Variants in PARD3 observed in about 807,000 individuals in gnomAD.
PARD3 encodes the protein par-3 family cell polarity regulator.
Under a neutral mutation model 155.4 loss-of-function variants are expected in PARD3, and 75 were observed. That is an observed-to-expected ratio of 0.48 (90% confidence interval 0.40 to 0.58). The LOEUF is 0.58. Among genes scored for constraint, PARD3 ranks in the 20% least tolerant of loss-of-function variants. The pLI, the probability that PARD3 is intolerant of heterozygous loss-of-function variation, is 0.00. For synonymous variants in PARD3, 576 were observed against 610.5 expected (o/e 0.94, Z 0.83); for missense variants, 1,642 against 1,721.7 (o/e 0.95, Z 0.82).
In PARD3 at chr10:34,797,767, C is replaced by T. The variant is rs549286282; in HGVS notation, c.120+17109G>A. Among the ~76,000 whole-genome samples the T allele has an allele frequency of 2.6e-5, 4 of 152,254 alleles. No individual in the cohort carries two copies. The South Asian group carries it at 8.3e-4, about 32-fold the overall frequency. On this transcript the variant is annotated intron_variant, in intron 1 of 24. Coordinates refer to ENST00000374788, the MANE Select transcript of PARD3 (RefSeq NM_001184785.2). ...CCTTCCCCCATCTCATTACAACTCC[C>T]CCGTGCTGTCTCTCACTGCCCTTCC...
At chr10:34,184,553 T>C (rs202068108) in intron 22 of PARD3, among the ~76,000 whole-genome samples, 3 of 152,196 alleles carry the variant, frequency 2.0e-5, no homozygotes, top group East Asian at 3.9e-4. Context: ...TGTTTTCCAA[T>C]GGGGCAGACT....
At chr10:34,574,399 G>C (rs942265281) in intron 2 of PARD3, among the ~76,000 whole-genome samples, 1 of 152,098 alleles carries the variant, frequency 6.6e-6, no homozygotes, top group Non-Finnish European at 1.5e-5. Flanking sequence ...CATAATTCCT[G>C]TGTCCTCCAG....
At chr10:34,670,281 C>T (rs1388880143) in intron 2 of PARD3, among the ~76,000 whole-genome samples, 1 of 152,236 alleles carries the variant, frequency 6.6e-6, no homozygotes, top group Admixed American at 6.5e-5. Context: ...CGAAAGCTGA[C>T]ACCAATACCA....
At chr10:34,342,304 G>A (rs1430733462) in intron 15 of PARD3, among the ~76,000 whole-genome samples, 1 of 152,222 alleles carries the variant, frequency 6.6e-6, no homozygotes, top group East Asian at 1.9e-4. Flanking sequence ...TACAAGCAGT[G>A]ATAATTATAT....
intron 22 of PARD3, among the ~76,000 whole-genome samples, chr10:34,231,081 G>A (rs71487358): frequency 0.027 from 4,049 of 151,734 alleles, 95 homozygotes; most frequent in Non-Finnish European, 0.038. Context: ...ATCCAAAAGC[G>A]GAGGTTCATC....
At chr10:34,556,316 C>T (rs1210623373) in intron 2 of PARD3, among the ~76,000 whole-genome samples, 1 of 151,934 alleles carries the variant, frequency 6.6e-6, no homozygotes, top group African/African-American at 2.4e-5. Context: ...TATAGTGTAA[C>T]ATCCTGTGTG....
intron 1 of PARD3, among the ~76,000 whole-genome samples, chr10:34,804,372 C>G (rs1843127442): frequency 1.3e-5 from 2 of 152,082 alleles, no homozygotes; most frequent in African/African-American, 4.8e-5. Context: ...ATTTTTTTTC[C>G]AGATCTCTAA....
intron 1 of PARD3, among the ~76,000 whole-genome samples, chr10:34,773,249 T>C (rs1449821557): frequency 6.6e-6 from 1 of 152,258 alleles, no homozygotes; most frequent in Non-Finnish European, 1.5e-5. Flanking sequence ...ATGTTTAACC[T>C]TGTTCTCATC....
intron 3 of PARD3, among the ~76,000 whole-genome samples, chr10:34,482,827 G>T (rs1242717194): frequency 1.3e-5 from 2 of 151,932 alleles, no homozygotes; most frequent in African/African-American, 4.8e-5. Flanking sequence ...ATGTGAACAG[G>T]TAAGAGTGAG....
chr10:34,651,400 G>C (rs1159390103), intron 2 of PARD3, among the ~76,000 whole-genome samples: 2 of 152,200 alleles, frequency 1.3e-5, no homozygotes, highest in African/African-American at 4.8e-5. Flanking sequence ...TGCACATAAA[G>C]AAGAGAAAGT....
chr10:34,564,697 T>A (rs2085783254), intron 2 of PARD3, among the ~76,000 whole-genome samples: 1 of 152,234 alleles, frequency 6.6e-6, no homozygotes, highest in South Asian at 2.1e-4. Context: ...ATACAGATCC[T>A]TTATTGTTTA....
chr10:34,500,204 G>A (rs2080588583), intron 3 of PARD3, among the ~76,000 whole-genome samples: 1 of 152,154 alleles, frequency 6.6e-6, no homozygotes, highest in Admixed American at 6.5e-5. Flanking sequence ...ACAGAGGTCT[G>A]GAAGAAGCTA....
intron 2 of PARD3, among the ~76,000 whole-genome samples, chr10:34,590,370 T>G (rs939848903): frequency 5.3e-5 from 8 of 152,332 alleles, no homozygotes; most frequent in African/African-American, 1.7e-4. Flanking sequence ...CCTGAATGCC[T>G]TCTCCTTTTG....
At chr10:34,136,796 A>C (rs1168704765) in intron 22 of PARD3, among the ~76,000 whole-genome samples, 1 of 151,836 alleles carries the variant, frequency 6.6e-6, no homozygotes, top group Non-Finnish European at 1.5e-5. Flanking sequence ...TTTCCTCACT[A>C]CTCCAGCCCA....
intron 24 of PARD3, among the ~76,000 whole-genome samples, chr10:34,113,482 G>T (rs2132632231): frequency 6.6e-6 from 1 of 150,902 alleles, no homozygotes; most frequent in East Asian, 1.9e-4. Context: ...TGGGTAAAAT[G>T]CACATAAGAC....
chr10:34,793,927 T>C (rs185502223), intron 1 of PARD3, among the ~76,000 whole-genome samples: 1 of 152,336 alleles, frequency 6.6e-6, no homozygotes, highest in Non-Finnish European at 1.5e-5. Flanking sequence ...AGAGGTAAAG[T>C]ATCTCATTTT....
At chr10:34,533,332 C>T (rs2082988429) in intron 2 of PARD3, among the ~76,000 whole-genome samples, 1 of 152,118 alleles carries the variant, frequency 6.6e-6, no homozygotes, top group Non-Finnish European at 1.5e-5. Flanking sequence ...GTACTATGCT[C>T]ACTACCTGGA....
At chr10:34,322,107 A>C (rs1958417618) in intron 19 of PARD3, among the ~76,000 whole-genome samples, 2 of 152,262 alleles carry the variant, frequency 1.3e-5, no homozygotes, top group South Asian at 2.1e-4. Context: ...TTCATTATTA[A>C]GTTTATGGAT....
At chr10:34,306,416 C>A (rs375259621) in intron 20 of PARD3, among the ~76,000 whole-genome samples, 8 of 152,256 alleles carry the variant, frequency 5.3e-5, no homozygotes, top group African/African-American at 1.9e-4. Context: ...CTTTGGGAGG[C>A]CAAGGCAGGG....
Sources: gnomAD v4.1 joint callset for allele counts (sites outside exome capture counted in the v4.1 genomes callset) on GRCh38, gnomAD v4.1.1 for gene constraint, MANE v1.5 for transcripts, NCBI Gene and HGNC (gene_info 2026-07-23, HGNC 2026-07-21) for gene names.